The following DLG2 variants were observed in gnomAD, a reference collection of about 807,000 sequenced individuals.
DLG2 encodes discs large MAGUK scaffold protein 2, also known as disks large homolog 2.
Under a neutral mutation model 132.5 loss-of-function variants are expected in DLG2, and 45 were observed. The observed-to-expected ratio is 0.34, with a 90% CI of 0.27 to 0.44. The LOEUF (loss-of-function observed/expected upper bound fraction) is 0.44. Among genes scored for constraint, DLG2 ranks in the 20% least tolerant of loss-of-function variants. The probability of loss-of-function intolerance (pLI) is 1.00; values close to 1 mark genes in which losing one functional copy is unlikely to be tolerated. For synonymous variants in DLG2, 424 were observed against 419.6 expected (o/e 1.01, Z -0.13); for missense variants, 1,045 against 1,196.9 (o/e 0.87, Z 1.87).
At position 85,115,641 on chromosome 11, in the gene DLG2, G is replaced by T. The variant is rs146461875; in HGVS notation, c.283-3906C>A. Among the ~76,000 whole-genome samples the T allele has an allele frequency of 3.5e-3, 527 of 151,978 alleles. 1 individual carries two copies. Among genetic ancestry groups the T allele is most frequent in the Non-Finnish European group, 5.4e-3 (369 of 67,916 alleles). On this transcript the variant is annotated intron_variant, in intron 5 of 27. Coordinates refer to ENST00000376104, the MANE Select transcript of DLG2 (RefSeq NM_001142699.3). Reference sequence around the variant, plus strand: ...AGGTGGAAGTATTTAACTCTGGCTGGGTAATTCAGAAATGTCTTTTTGAAG... The same window carrying T: ...AGGTGGAAGTATTTAACTCTGGCTGTGTAATTCAGAAATGTCTTTTTGAAG...
intron 6 of DLG2, among the ~76,000 whole-genome samples, chr11:85,068,195 A>C (rs1297864144): frequency 2.6e-5 from 4 of 152,124 alleles, no homozygotes; most frequent in Non-Finnish European, 5.9e-5. Flanking sequence ...AGCCAATATC[A>C]TACTGAATGG....
chr11:84,877,816 A>G (rs759823760), intron 6 of DLG2, among the ~76,000 whole-genome samples: 2 of 152,156 alleles, frequency 1.3e-5, no homozygotes, highest in African/African-American at 4.8e-5. Flanking sequence ...CAATCTGTCC[A>G]TCTGACAAAG....
At chr11:85,510,379 T>C (rs559936488) in intron 3 of DLG2, among the ~76,000 whole-genome samples, 3 of 151,968 alleles carry the variant, frequency 2.0e-5, no homozygotes, top group African/African-American at 7.2e-5. Context: ...TGGGATCTAA[T>C]TAAACTAAAG....
intron 6 of DLG2, among the ~76,000 whole-genome samples, chr11:84,935,734 T>C (rs993835723): frequency 6.6e-6 from 1 of 152,156 alleles, no homozygotes; most frequent in African/African-American, 2.4e-5. Context: ...TGACAAAGAA[T>C]TATCCAGCCC....
At chr11:84,345,233 G>A (rs2098534093) in intron 7 of DLG2, among the ~76,000 whole-genome samples, 1 of 152,170 alleles carries the variant, frequency 6.6e-6, no homozygotes, top group Admixed American at 6.5e-5. Flanking sequence ...TGCTGACCTG[G>A]GAAAATTACT....
intron 18 of DLG2, among the ~76,000 whole-genome samples, chr11:83,734,361 TTCCTTCCTTCCTTC>T (rs2091542978): frequency 1.6e-5 from 2 of 125,810 alleles, no homozygotes; most frequent in Non-Finnish European, 3.4e-5. Flanking sequence ...CCTTCCTTCC[TTCCTTCCTTCCTTC>T]CTTCCTTCCT....
intron 19 of DLG2, among the ~76,000 whole-genome samples, chr11:83,627,077 G>T (rs900596396): frequency 1.1e-4 from 16 of 152,084 alleles, no homozygotes; most frequent in Non-Finnish European, 2.4e-4. Flanking sequence ...GGAAAAGGTG[G>T]CTTCATAGTA....
At chr11:84,591,388 CA>C (rs1270374535) in intron 6 of DLG2, among the ~76,000 whole-genome samples, 1 of 150,478 alleles carries the variant, frequency 6.6e-6, no homozygotes, top group Non-Finnish European at 1.5e-5. Context: ...AACTAACAGT[CA>C]GGTGCAGTGG....
chr11:83,922,886 G>A (rs2078214566), intron 15 of DLG2, among the ~76,000 whole-genome samples: 2 of 152,088 alleles, frequency 1.3e-5, no homozygotes. Flanking sequence ...GTACCATAAA[G>A]CGGCTATTAT....
intron 18 of DLG2, among the ~76,000 whole-genome samples, chr11:83,778,051 G>A (rs1239502152): frequency 5.9e-5 from 9 of 152,090 alleles, no homozygotes; most frequent in Non-Finnish European, 1.3e-4. Context: ...TTAAAGTTGA[G>A]GACTGACAAA....
chr11:83,499,851 A>ATG (rs1472187904), intron 21 of DLG2, among the ~76,000 whole-genome samples: 1 of 56,388 alleles, frequency 1.8e-5, no homozygotes, highest in Non-Finnish European at 3.3e-5. Flanking sequence ...CACTAATAGG[A>ATG]GATATATATA....
At chr11:83,756,840 G>A (rs2093668175) in intron 18 of DLG2, among the ~76,000 whole-genome samples, 1 of 146,260 alleles carries the variant, frequency 6.8e-6, no homozygotes, top group African/African-American at 2.8e-5. Context: ...TACAACATTT[G>A]TATGAGAAAA....
At chr11:83,620,297 T>C (rs2061428893) in intron 19 of DLG2, among the ~76,000 whole-genome samples, 1 of 152,190 alleles carries the variant, frequency 6.6e-6, no homozygotes, top group Non-Finnish European at 1.5e-5. Flanking sequence ...CAAAATTGTA[T>C]GTATAAAACG....
intron 15 of DLG2, among the ~76,000 whole-genome samples, chr11:83,917,416 GA>G (rs1425317573): frequency 2.0e-5 from 3 of 152,118 alleles, no homozygotes; most frequent in African/African-American, 4.8e-5. Context: ...CACATATGGT[GA>G]AACTTCTCCA....
chr11:85,132,141 G>C (rs1162663342), intron 5 of DLG2, among the ~76,000 whole-genome samples: 2 of 152,018 alleles, frequency 1.3e-5, no homozygotes, highest in East Asian at 3.8e-4. Flanking sequence ...ATTGCCTATT[G>C]ATTTTATTTC....
chr11:83,724,960 T>C (rs1460707405), intron 18 of DLG2: 2 of 701,678 alleles, frequency 2.9e-6, no homozygotes, highest in African/African-American at 1.7e-5. Context: ...GTGTATAAAC[T>C]CCGCCTGGCC....
At chr11:83,530,873 C>A (rs1467721251) in intron 21 of DLG2, among the ~76,000 whole-genome samples, 1 of 151,822 alleles carries the variant, frequency 6.6e-6, no homozygotes, top group Non-Finnish European at 1.5e-5. Flanking sequence ...AGCAAGGTTG[C>A]AGGATATAAG....
intron 18 of DLG2, among the ~76,000 whole-genome samples, chr11:83,771,523 T>C (rs1184611254): frequency 1.3e-5 from 2 of 152,196 alleles, no homozygotes; most frequent in Non-Finnish European, 2.9e-5. Flanking sequence ...GGCTGTGTGG[T>C]ATGGCCTCTT....
chr11:83,482,832 A>T (rs943905001), intron 22 of DLG2, among the ~76,000 whole-genome samples: 2 of 152,190 alleles, frequency 1.3e-5, no homozygotes, highest in African/African-American at 4.8e-5. Context: ...AGGTCATTAA[A>T]TATTTCCATG....
Sources: gnomAD v4.1 joint callset for allele counts (sites outside exome capture counted in the v4.1 genomes callset) on GRCh38, gnomAD v4.1.1 for gene constraint, MANE v1.5 for transcripts, NCBI Gene and HGNC (gene_info 2026-07-23, HGNC 2026-07-21) for gene names.